TRPM3: variants seen among roughly 807,000 people sequenced by gnomAD.
The protein encoded by TRPM3 is transient receptor potential cation channel subfamily M member 3, also known as long transient receptor potential channel 3.
TRPM3 carries 77 observed loss-of-function variants against 181.2 expected under a neutral mutation model. The ratio of observed to expected loss-of-function variants is 0.42; its 90% CI spans 0.35 to 0.51. The LOEUF (loss-of-function observed/expected upper bound fraction) is 0.51. TRPM3 is among the 20% of genes least tolerant of loss of function. The pLI, the probability that TRPM3 is intolerant of heterozygous loss-of-function variation, is 0.01. For missense variants in TRPM3, 1,759 were observed against 2,196.7 expected (o/e 0.80, Z 3.98); for synonymous variants, 745 against 796.4 (o/e 0.94, Z 1.09).
At chr9:71,246,739 C>A (rs960868465) in intron 1 of TRPM3, among the ~76,000 whole-genome samples, 5 of 152,172 alleles carry the variant, frequency 3.3e-5, no homozygotes, top group Non-Finnish European at 7.3e-5. Context: ...TAAATTCACA[C>A]AGTTCTAATT....
At chr9:70,894,154 C>A (rs986244060) in intron 1 of TRPM3, among the ~76,000 whole-genome samples, 2 of 152,102 alleles carry the variant, frequency 1.3e-5, no homozygotes, top group Non-Finnish European at 2.9e-5. Flanking sequence ...TGTTGAGCTA[C>A]AAAGATGCAA....
intron 1 of TRPM3, among the ~76,000 whole-genome samples, chr9:71,380,534 G>T (rs2132867121): frequency 6.6e-6 from 1 of 152,100 alleles, no homozygotes; most frequent in African/African-American, 2.4e-5. Context: ...AGCCCACAGG[G>T]TTGGCCACGA....
At chr9:71,278,578 C>T (rs777035030) in intron 1 of TRPM3, among the ~76,000 whole-genome samples, 1 of 152,142 alleles carries the variant, frequency 6.6e-6, no homozygotes, top group Non-Finnish European at 1.5e-5. Flanking sequence ...AGTACATATG[C>T]AACATCATAT....
intron 8 of TRPM3, among the ~76,000 whole-genome samples, chr9:70,695,748 C>T (rs2070180528): frequency 6.6e-6 from 1 of 152,194 alleles, no homozygotes; most frequent in African/African-American, 2.4e-5. Context: ...ACAAACATGA[C>T]TTCATCCAAT....
intron 8 of TRPM3, among the ~76,000 whole-genome samples, chr9:70,752,569 C>A (rs2076376972): frequency 6.6e-6 from 1 of 152,016 alleles, no homozygotes; most frequent in South Asian, 2.1e-4. Flanking sequence ...TCATAGGCTG[C>A]ATAATGACGT....
In TRPM3 at chr9:71,354,095, C is replaced by T. The variant is rs114726264; in HGVS notation, c.183+92558G>A. On this transcript the variant is annotated intron_variant, in intron 1 of 24. Transcript: ENST00000357533. The stretch of plus-strand genomic sequence containing the variant: ...TTCTCTGTTATTTCCGTATGCTTTC[C>T]TCTCTCCGCTCCTGAAATTTTGTTC... Among the ~76,000 whole-genome samples, 1,294 of 152,228 alleles carry T rather than the reference C, an allele frequency of 8.5e-3. 23 individuals carry two copies. The highest frequency in any genetic ancestry group is 0.029 in the African/African-American group (1,215 of 41,512).
At chr9:71,051,430 C>A (rs1336914572) in intron 1 of TRPM3, among the ~76,000 whole-genome samples, 1 of 152,038 alleles carries the variant, frequency 6.6e-6, no homozygotes, top group Non-Finnish European at 1.5e-5. Context: ...TGCTGAGTCT[C>A]ATAGAGGTAG....
chr9:70,785,606 T>A (rs574808196), intron 6 of TRPM3, among the ~76,000 whole-genome samples: 1 of 152,338 alleles, frequency 6.6e-6, no homozygotes, highest in East Asian at 1.9e-4. Context: ...CTTCTTTTGC[T>A]ATGCTTTTAT....
intron 1 of TRPM3, among the ~76,000 whole-genome samples, chr9:71,416,128 C>G (rs1397420279): frequency 6.6e-6 from 1 of 151,050 alleles, no homozygotes; most frequent in African/African-American, 2.4e-5. Context: ...GTAGTTTAAC[C>G]TATAGTATCG....
At chr9:70,975,066 A>C (rs1161168645) in intron 1 of TRPM3, among the ~76,000 whole-genome samples, 1 of 151,844 alleles carries the variant, frequency 6.6e-6, no homozygotes, top group African/African-American at 2.4e-5. Context: ...ACAAGGTTTC[A>C]GCATGTTGGC....
At chr9:70,994,624 C>T (rs1258112582) in intron 1 of TRPM3, among the ~76,000 whole-genome samples, 1 of 152,006 alleles carries the variant, frequency 6.6e-6, no homozygotes, top group East Asian at 1.9e-4. Flanking sequence ...AAATTTTCCC[C>T]CTTCAGTATT....
intron 9 of TRPM3, among the ~76,000 whole-genome samples, chr9:70,669,870 G>A (rs138902619): frequency 1.2e-3 from 188 of 151,780 alleles, no homozygotes; most frequent in African/African-American, 3.5e-3. Context: ...CTGAGTAGCT[G>A]GGACTACAGG....
intron 1 of TRPM3, among the ~76,000 whole-genome samples, chr9:70,927,091 A>C (rs911550777): frequency 2.0e-5 from 3 of 152,196 alleles, no homozygotes; most frequent in African/African-American, 4.8e-5. Flanking sequence ...TTATTTATCA[A>C]GGTTTTATAC....
At chr9:71,176,271 C>T (rs1247131857) in intron 1 of TRPM3, among the ~76,000 whole-genome samples, 1 of 152,040 alleles carries the variant, frequency 6.6e-6, no homozygotes, top group Non-Finnish European at 1.5e-5. Flanking sequence ...TGAAGACCTT[C>T]CAGTGGGACA....
At chr9:70,940,873 G>T (rs904311327) in intron 1 of TRPM3, among the ~76,000 whole-genome samples, 2 of 152,124 alleles carry the variant, frequency 1.3e-5, no homozygotes, top group African/African-American at 4.8e-5. Flanking sequence ...AGGCTAGAGT[G>T]GTTGTGTCTT....
At chr9:70,816,377 T>C (rs2092689717) in intron 6 of TRPM3, among the ~76,000 whole-genome samples, 1 of 152,252 alleles carries the variant, frequency 6.6e-6, no homozygotes, top group South Asian at 2.1e-4. Flanking sequence ...AAGAATCCTT[T>C]AAATCCCTCA....
At chr9:70,828,093 G>A in intron 5 of TRPM3, 75 bp from the exon 6 acceptor site, 6 of 1,386,206 alleles carry the variant, frequency 4.3e-6, no homozygotes, top group Non-Finnish European at 6.0e-6. Flanking sequence ...ATCAGACAGA[G>A]GAAAGAGAGG....
At chr9:70,986,796 G>C (rs2134080367) in intron 1 of TRPM3, among the ~76,000 whole-genome samples, 1 of 152,134 alleles carries the variant, frequency 6.6e-6, no homozygotes, top group Non-Finnish European at 1.5e-5. Context: ...GTATCAGAAA[G>C]GATTAACACC....
chr9:70,872,001 T>G (rs184500083), intron 1 of TRPM3, among the ~76,000 whole-genome samples: 109 of 152,134 alleles, frequency 7.2e-4, no homozygotes, highest in Non-Finnish European at 1.2e-3. Context: ...AAATGCATAT[T>G]TCATTATTAT....
Sources: gnomAD v4.1 joint callset for allele counts (sites outside exome capture counted in the v4.1 genomes callset) on GRCh38, gnomAD v4.1.1 for gene constraint, MANE v1.5 for transcripts, NCBI Gene and HGNC (gene_info 2026-07-23, HGNC 2026-07-21) for gene names.